The following PDE8A variants were observed in gnomAD, a reference collection of about 807,000 sequenced individuals.
The protein encoded by PDE8A is phosphodiesterase 8A.
A neutral mutation model predicts 105.0 loss-of-function variants in PDE8A; 59 were observed. That is an observed-to-expected ratio of 0.56 (90% CI 0.46 to 0.70). The LOEUF (loss-of-function observed/expected upper bound fraction) is 0.70, where lower values mean the gene tolerates loss of function less well. Among genes scored for constraint, PDE8A ranks in the 30% least tolerant of loss-of-function variants. The pLI is 0.00. For synonymous variants in PDE8A, 355 were observed against 371.9 expected, an observed-to-expected ratio of 0.95 and a Z score of 0.52; for missense variants, 1,014 against 1,045.9, an observed-to-expected ratio of 0.97 and a Z score of 0.42.
intron 15 of PDE8A, 30 bp from the exon 16 acceptor site, chr15:85,115,954 A>G (rs1192964031): frequency 6.3e-7 from 1 of 1,583,006 alleles, no homozygotes; most frequent in African/African-American, 1.4e-5. Context: ...TTTAAAGCCT[A>G]TTTGTTCTCC....
At chr15:85,080,664 G>A (rs1298475476) in intron 5 of PDE8A, among the ~76,000 whole-genome samples, 1 of 152,124 alleles carries the variant, frequency 6.6e-6, no homozygotes, top group Non-Finnish European at 1.5e-5. Flanking sequence ...TAGTTCTGTG[G>A]ACCAGAAAGA....
intron 3 of PDE8A, among the ~76,000 whole-genome samples, chr15:85,071,819 T>C (rs1351683565): frequency 6.6e-6 from 1 of 152,156 alleles, no homozygotes; most frequent in East Asian, 1.9e-4. Context: ...GGGGGGCCTG[T>C]GAAAAGTGCC....
intron 1 of PDE8A, among the ~76,000 whole-genome samples, chr15:85,023,340 C>T (rs1016176095): frequency 6.6e-6 from 1 of 152,128 alleles, no homozygotes; most frequent in African/African-American, 2.4e-5. Flanking sequence ...TGTTATTTTT[C>T]TCCCGCAGTG....
intron 1 of PDE8A, among the ~76,000 whole-genome samples, chr15:85,061,849 A>C (rs750550649): frequency 6.6e-6 from 1 of 152,040 alleles, no homozygotes; most frequent in Non-Finnish European, 1.5e-5. Flanking sequence ...AAGTGTGCTC[A>C]TTCTTTCTTT....
chr15:85,116,275 C>T (rs2082096304), intron 16 of PDE8A, 156 bp downstream of exon 16: 3 of 644,220 alleles, frequency 4.7e-6, no homozygotes, highest in African/African-American at 3.7e-5. Context: ...TCTGAGTCAC[C>T]AGGGCCTGGG....
chr15:85,138,106 G>A lies in PDE8A; in HGVS notation c.*203G>A. The A allele has an allele frequency of 9.9e-6, 5 of 503,092 alleles. 1 individual carries two copies. Among genetic ancestry groups the A allele is most frequent in the Non-Finnish European group, 1.8e-5 (5 of 281,418 alleles). The allele number at this position is 503,092 out of a possible 1,614,324, so 31.2% of individuals were successfully genotyped here. On this transcript the variant is annotated 3_prime_UTR_variant, in exon 22 of 22. Transcript: ENST00000394553. ...TGTCAAGTGAGACTTGGCCACTGTA[G>A]CCTGGGCCTGCTGCAGGAGCTCTTC...
At chr15:85,092,674 A>G (rs2081665713) in intron 8 of PDE8A, among the ~76,000 whole-genome samples, 2 of 152,114 alleles carry the variant, frequency 1.3e-5, no homozygotes, top group East Asian at 1.9e-4. Context: ...CAGAACTTCC[A>G]CTGAGGCATT....
At chr15:85,121,192 A>G (rs1473922096) in intron 18 of PDE8A, among the ~76,000 whole-genome samples, 178 bp downstream of exon 18, 2 of 152,092 alleles carry the variant, frequency 1.3e-5, no homozygotes, top group Non-Finnish European at 2.9e-5. Context: ...AGACAGGAGA[A>G]ATCACTTGAG....
At chr15:85,061,800 C>T (rs2081150197) in intron 1 of PDE8A, among the ~76,000 whole-genome samples, 1 of 151,936 alleles carries the variant, frequency 6.6e-6, no homozygotes, top group African/African-American at 2.4e-5. Flanking sequence ...AAGGTTTTTT[C>T]TCTTTCCCAG....
chr15:85,107,565 C>G (rs1009250260), intron 11 of PDE8A, among the ~76,000 whole-genome samples: 1 of 152,064 alleles, frequency 6.6e-6, no homozygotes, highest in African/African-American at 2.4e-5. Flanking sequence ...GAGGTAGAAT[C>G]CTTAGATTTG....
At chr15:85,132,550 C>G (rs2082344096) in intron 20 of PDE8A, among the ~76,000 whole-genome samples, 1 of 152,182 alleles carries the variant, frequency 6.6e-6, no homozygotes, top group Non-Finnish European at 1.5e-5. Flanking sequence ...ACTGCAACCT[C>G]TGCCTCTTGG....
intron 11 of PDE8A, among the ~76,000 whole-genome samples, chr15:85,108,238 C>T (rs1462861328): frequency 2.6e-5 from 4 of 152,170 alleles, no homozygotes; most frequent in Non-Finnish European, 5.9e-5. Flanking sequence ...GGCCTACATT[C>T]GGATCCTGTA....
chr15:85,066,583 A>AAAAC (rs2081229348), intron 2 of PDE8A, among the ~76,000 whole-genome samples: 6 of 116,942 alleles, frequency 5.1e-5, no homozygotes, highest in African/African-American at 1.9e-4. Context: ...ATCCCCCCAA[A>AAAAC]ACACACACAC....
intron 8 of PDE8A, among the ~76,000 whole-genome samples, chr15:85,093,830 A>G (rs1158044659): frequency 2.6e-5 from 4 of 151,478 alleles, no homozygotes; most frequent in African/African-American, 9.7e-5. Flanking sequence ...TCAGATACCT[A>G]AACTTTATAT....
chr15:85,123,409 AC>A (rs1344180332), intron 19 of PDE8A, among the ~76,000 whole-genome samples: 1 of 150,826 alleles, frequency 6.6e-6, no homozygotes, highest in Non-Finnish European at 1.5e-5. Flanking sequence ...TTAAGTAATA[AC>A]TTACACGATC....
chr15:85,001,879 G>C (rs74377858), intron 1 of PDE8A, among the ~76,000 whole-genome samples: 1,872 of 152,280 alleles, frequency 0.012, 25 homozygotes, highest in Middle Eastern at 0.034. Context: ...TGCATACCAG[G>C]CACTGTTCTA....
chr15:85,095,336 TA>T (rs918586840), intron 8 of PDE8A, among the ~76,000 whole-genome samples: 1 of 152,128 alleles, frequency 6.6e-6, no homozygotes, highest in African/African-American at 2.4e-5. Context: ...TCTCAGGAAC[TA>T]AATATATATA....
intron 7 of PDE8A, 167 bp from the exon 8 acceptor site, chr15:85,090,877 C>G: frequency 1.5e-6 from 1 of 683,260 alleles, no homozygotes; most frequent in Non-Finnish European, 2.7e-6. Flanking sequence ...CTCCAGAATT[C>G]TTCGTGGGTT....
At chr15:85,027,006 A>C (rs994093654) in intron 1 of PDE8A, among the ~76,000 whole-genome samples, 6 of 152,212 alleles carry the variant, frequency 3.9e-5, no homozygotes, top group Non-Finnish European at 8.8e-5. Flanking sequence ...ACCAAATTTT[A>C]TCTCTTAATA....
Sources: allele counts gnomAD v4.1 joint callset (sites outside exome capture counted in the v4.1 genomes callset), GRCh38; gene constraint gnomAD v4.1.1; transcripts MANE v1.5; gene names NCBI Gene and HGNC (gene_info 2026-07-23, HGNC 2026-07-21).